SLC25A27: variants seen among roughly 807,000 people sequenced by gnomAD.
SLC25A27 encodes solute carrier family 25 member 27.
SLC25A27 carries 35 observed loss-of-function variants against 49.1 expected under a neutral mutation model. The ratio of observed to expected loss-of-function variants is 0.71; its 90% confidence interval spans 0.54 to 0.95. The LOEUF is 0.95. SLC25A27 is among the 40% of genes least tolerant of loss of function. The probability of loss-of-function intolerance (pLI) is 0.00; values close to 1 mark genes in which losing one functional copy is unlikely to be tolerated. For synonymous variants in SLC25A27, 144 were observed against 136.9 expected, an observed-to-expected ratio of 1.05 and a Z score of -0.36; for missense variants, 339 against 397.1, an observed-to-expected ratio of 0.85 and a Z score of 1.24.
At chr6:46,668,817 C>CAG in intron 6 of SLC25A27, 24 bp downstream of exon 6, 1 of 1,305,990 alleles carries the variant, frequency 7.7e-7, no homozygotes, top group Non-Finnish European at 1.1e-6. Context: ...TAGTTGGACT[C>CAG]TGTTTTTTTT....
rs1207609582 is a variant in SLC25A27 at position 46,676,701 on chromosome 6, A to G, written c.*247A>G. 2 of 1,550,056 alleles carry G rather than the reference A, an allele frequency of 1.3e-6. No homozygotes were observed. Among genetic ancestry groups the G allele is most frequent in the Non-Finnish European group, 1.7e-6 (2 of 1,146,534 alleles). On this transcript the variant is annotated 3_prime_UTR_variant, in exon 9 of 9. Coordinates refer to ENST00000371347, the MANE Select transcript of SLC25A27 (RefSeq NM_004277.5). ...AATGAGACCCCGCACAGCATTTTCT[A>G]AAGAAGAATCGAAGCCTGACCACTT...
chr6:46,661,717 C>G (rs956073779), intron 3 of SLC25A27, among the ~76,000 whole-genome samples: 4 of 152,156 alleles, frequency 2.6e-5, no homozygotes, highest in African/African-American at 9.7e-5. Flanking sequence ...GCTTCAGTTT[C>G]CTCATCTGAC....
intron 1 of SLC25A27, chr6:46,653,616 T>C: frequency 1.0e-6 from 1 of 985,474 alleles, no homozygotes; most frequent in Non-Finnish European, 1.2e-6. Context: ...GATGACCTTT[T>C]TAAAAACGTA....
In SLC25A27 at chr6:46,654,734, C is replaced by G. The variant is rs557805482; in HGVS notation, c.107-1109C>G. On this transcript the variant is annotated intron_variant, in intron 1 of 8. Coordinates refer to ENST00000371347, the MANE Select transcript of SLC25A27 (RefSeq NM_004277.5). Reference sequence around the variant, plus strand: ...TTAAGATTTTTCAGGTTTCATATGTCAATAAAATATTGCTTGAAGTCTATG... The same window carrying G: ...TTAAGATTTTTCAGGTTTCATATGTGAATAAAATATTGCTTGAAGTCTATG... Among the ~76,000 whole-genome samples, 14 of 152,238 alleles carry G rather than the reference C, an allele frequency of 9.2e-5. No homozygotes were observed. The South Asian group carries it at 2.5e-3, about 27-fold the overall frequency.
At position 46,671,195 on chromosome 6, in the gene SLC25A27, A is replaced by G. The variant is rs780729460; in HGVS notation, c.867A>G (p.Leu289=). The G allele has an allele frequency of 1.1e-4, 180 of 1,594,184 alleles. No individual in the cohort carries two copies. The highest frequency in any genetic ancestry group is 1.4e-4 in the Non-Finnish European group (169 of 1,172,480). Reference sequence around the variant, plus strand: ...TTCAAGGTGAAGGATTCATGAGTCTATATAAAGGCTTTTTACCATCTTGGC... The same window carrying G: ...TTCAAGGTGAAGGATTCATGAGTCTGTATAAAGGCTTTTTACCATCTTGGC... ...QAVQGEGFMS[L]YKGFLPSWLR... The change falls in exon 8 of 9, where the codon CTA becomes CTG. Residue 289 remains leucine, a synonymous_variant. Transcript: ENST00000371347.
At chr6:46,659,580 G>A (rs1213540325) in intron 3 of SLC25A27, among the ~76,000 whole-genome samples, 4 of 152,158 alleles carry the variant, frequency 2.6e-5, no homozygotes, top group African/African-American at 7.2e-5. Context: ...CACGCTGGGC[G>A]GGGTGGCTCA....
rs1226077170 is a variant in SLC25A27 at position 46,653,250 on chromosome 6, G to T, written c.58G>T (p.Ala20Ser). ...LLPLTQRWPRASKFLLSGCAA... is the reference protein window; with the variant it reads ...LLPLTQRWPRSSKFLLSGCAA... ...GCCGCTGACCCAGAGATGGCCCCGA[G>T]CGAGCAAATTCCTACTGTCCGGCTG... Residue 20 changes from alanine (A) to serine (S), a missense_variant, in exon 1 of 9, where the codon GCG becomes TCG. Physicochemically the swap from Ala to Ser is moderately conservative, Grantham distance 99. Transcript: ENST00000371347. 2.5e-6 allele frequency: 4 copies of T among 1,613,580 alleles called. No homozygotes were observed. The African/African-American group carries it at 5.3e-5, about 22-fold the overall frequency.
chr6:46,663,807 T>C (rs1300041649), intron 4 of SLC25A27, among the ~76,000 whole-genome samples: 1 of 152,198 alleles, frequency 6.6e-6, no homozygotes, highest in East Asian at 1.9e-4. Flanking sequence ...GTCTTTACCA[T>C]ATTTTAGCTT....
chr6:46,664,946 TATATTAGGGAAATTAAAA>T, intron 5 of SLC25A27, 60 bp downstream of exon 5: 1 of 738,574 alleles, frequency 1.4e-6, no homozygotes. Flanking sequence ...TGTAAGCACT[TATATTAGGGAAATTAAAA>T]TTTATGTTTT....
Position 46,652,989 on chromosome 6 carries a change from T to C in SLC25A27, c.-204T>C, listed in dbSNP as rs1762802579. 1.7e-6 allele frequency: 1 copy of C among 595,152 alleles called. No homozygotes were observed. The highest frequency in any genetic ancestry group is 1.9e-5 in the African/African-American group (1 of 53,380). The allele number at this position is 595,152 out of a possible 1,614,324, so 36.9% of individuals were successfully genotyped here. On this transcript the variant is annotated 5_prime_UTR_variant, in exon 1 of 9. Transcript: ENST00000371347. Reference sequence around the variant, plus strand: ...TGGGCTCCGCTGTGTTTTTCTATTCTGGGGTGTAAGGGGCAGCTGGACCAC... The same window carrying C: ...TGGGCTCCGCTGTGTTTTTCTATTCCGGGGTGTAAGGGGCAGCTGGACCAC...
chr6:46,658,034 G>T (rs750657699), intron 2 of SLC25A27, among the ~76,000 whole-genome samples: 1 of 152,224 alleles, frequency 6.6e-6, no homozygotes, highest in Non-Finnish European at 1.5e-5. Flanking sequence ...AAGGAGGTAG[G>T]ATAGGTTTGG....
chr6:46,655,792 T>A, intron 1 of SLC25A27, 51 bp from the exon 2 acceptor site: 2 of 1,519,394 alleles, frequency 1.3e-6, no homozygotes, highest in Non-Finnish European at 1.8e-6. Context: ...TAGATTTTTG[T>A]TTGTTTCTCT....
intron 7 of SLC25A27, 24 bp downstream of exon 7, chr6:46,670,251 C>A: frequency 2.1e-6 from 3 of 1,447,256 alleles, no homozygotes; most frequent in Non-Finnish European, 2.9e-6. Context: ...CTTCAGTATC[C>A]ATGTGCTTGA....
At chr6:46,676,267 G>C in intron 8 of SLC25A27, 116 bp from the exon 9 acceptor site, 1 of 866,240 alleles carries the variant, frequency 1.2e-6, no homozygotes, top group Non-Finnish European at 1.8e-6. Flanking sequence ...CAAAATATTT[G>C]TTTTCAGCCT....
intron 7 of SLC25A27, 170 bp downstream of exon 7, chr6:46,670,397 G>C: frequency 1.8e-6 from 1 of 560,446 alleles, no homozygotes; most frequent in South Asian, 2.3e-5. Flanking sequence ...AAAGTGACAT[G>C]CATTTGGGGA....
chr6:46,655,561 T>G (rs1383925417), intron 1 of SLC25A27, among the ~76,000 whole-genome samples: 1 of 104,698 alleles, frequency 9.6e-6, no homozygotes, highest in Non-Finnish European at 1.9e-5. Context: ...TTTTTTTTTT[T>G]TTTTTTTTTT....
chr6:46,660,326 T>C (rs965386915), intron 3 of SLC25A27, among the ~76,000 whole-genome samples: 10 of 151,948 alleles, frequency 6.6e-5, no homozygotes, highest in African/African-American at 2.4e-4. Flanking sequence ...AAAAGAAATA[T>C]ACATGTTCAT....
chr6:46,673,530 G>C (rs532065807), intron 8 of SLC25A27, among the ~76,000 whole-genome samples: 1 of 152,316 alleles, frequency 6.6e-6, no homozygotes, highest in African/African-American at 2.4e-5. Flanking sequence ...TCACAGAGCT[G>C]ATATTTGATC....
At position 46,653,435 on chromosome 6, in the gene SLC25A27, G is replaced by A. The variant is rs539764849; in HGVS notation, c.106+137G>A. 8 of 1,432,482 alleles carry A rather than the reference G, an allele frequency of 5.6e-6. No homozygotes were observed. The South Asian group carries it at 9.1e-5, about 16-fold the overall frequency. The allele number at this position is 1,432,482 out of a possible 1,614,324, so 88.7% of individuals were successfully genotyped here. On this transcript the variant is annotated intron_variant, in intron 1 of 8. Transcript: ENST00000371347. Reference sequence around the variant, plus strand: ...CCATGCCCGCCTGGCAGAGGTGGCGGTGGAGGCCAGGCCCGCGGTGGGAGG... The same window carrying A: ...CCATGCCCGCCTGGCAGAGGTGGCGATGGAGGCCAGGCCCGCGGTGGGAGG...
Sources: gnomAD v4.1 joint callset for allele counts (sites outside exome capture counted in the v4.1 genomes callset) on GRCh38, gnomAD v4.1.1 for gene constraint, MANE v1.5 for transcripts, NCBI Gene and HGNC (gene_info 2026-07-23, HGNC 2026-07-21) for gene names.